The following SP140L variants were observed in gnomAD, a reference collection of about 807,000 sequenced individuals.
SP140L encodes SP140 like nuclear body protein, also known as nuclear body protein SP140-like protein.
SP140L carries 64 observed loss-of-function variants against 84.3 expected under a neutral mutation model. The ratio of observed to expected loss-of-function variants is 0.76; its 90% confidence interval spans 0.62 to 0.94. SP140L has a LOEUF of 0.94. Ranked by LOEUF, SP140L falls within the 40% of genes least tolerant of loss-of-function variation. SP140L has a pLI of 0.00. For synonymous variants in SP140L, 242 were observed against 236.9 expected (o/e 1.02, Z -0.20); for missense variants, 628 against 692.5 (o/e 0.91, Z 1.05).
At position 230,403,124 on chromosome 2, in the gene SP140L, G is replaced by A; in HGVS notation, c.*228G>A. On this transcript the variant is annotated 3_prime_UTR_variant, in exon 19 of 19. Coordinates refer to ENST00000415673, the MANE Select transcript of SP140L (RefSeq NM_138402.6). The stretch of plus-strand genomic sequence containing the variant: ...TGAGATCACAGGGAAGGAGATTGGA[G>A]GTGATACCAGCACAGACAGACTCTC... 3 of 480,698 alleles carry A rather than the reference G, an allele frequency of 6.2e-6. No homozygotes were observed. The South Asian group carries it at 8.0e-5, about 13-fold the overall frequency. 29.8% of individuals were successfully genotyped at this position (480,698 alleles called of 1,614,324 possible).
intron 9 of SP140L, among the ~76,000 whole-genome samples, chr2:230,387,633 T>C (rs904874695): frequency 1.3e-5 from 2 of 152,198 alleles, no homozygotes; most frequent in Admixed American, 6.5e-5. Context: ...ATGGTGGTCA[T>C]TGGATGGTGG....
At chr2:230,353,552 G>T (rs2060430059) in intron 2 of SP140L, among the ~76,000 whole-genome samples, 1 of 151,866 alleles carries the variant, frequency 6.6e-6, no homozygotes, top group African/African-American at 2.4e-5. Flanking sequence ...GAAATGTTCT[G>T]CTTTTTGTTT....
At chr2:230,354,848 G>GGAAAGAGAAAGAAAGAAAGAAA (rs2060474101) in intron 2 of SP140L, among the ~76,000 whole-genome samples, 1 of 108,838 alleles carries the variant, frequency 9.2e-6, no homozygotes, top group African/African-American at 3.6e-5. Context: ...AAGAAAGAAA[G>GGAAAGAGAAAGAAAGAAAGAAA]GAAAGAAAGA....
intron 15 of SP140L, 111 bp downstream of exon 15, chr2:230,400,353 A>C: frequency 9.2e-7 from 1 of 1,091,812 alleles, no homozygotes; most frequent in Non-Finnish European, 1.3e-6. Context: ...GAGCAGGTTC[A>C]TCGGGTACTG....
intron 4 of SP140L, among the ~76,000 whole-genome samples, chr2:230,360,233 C>G (rs1320293080): frequency 6.6e-6 from 1 of 152,134 alleles, no homozygotes; most frequent in Non-Finnish European, 1.5e-5. Context: ...ACAGGACAAA[C>G]TGGATTTGGC....
chr2:230,385,670 C>T (rs928445178), intron 9 of SP140L, among the ~76,000 whole-genome samples: 2 of 152,180 alleles, frequency 1.3e-5, no homozygotes, highest in African/African-American at 4.8e-5. Flanking sequence ...ATTTCTTGTC[C>T]TGAGCAAGCC....
chr2:230,364,564 A>G (rs185733625), intron 5 of SP140L, among the ~76,000 whole-genome samples: 1 of 152,204 alleles, frequency 6.6e-6, no homozygotes, highest in Non-Finnish European at 1.5e-5. Flanking sequence ...TTTTCTCTAT[A>G]TAAGATCATG....
intron 1 of SP140L, 86 bp from the exon 2 acceptor site, chr2:230,328,671 G>T: frequency 2.0e-6 from 3 of 1,497,178 alleles, no homozygotes; most frequent in South Asian, 1.3e-5. Context: ...TATTTCTCTT[G>T]TGCCTAAACC....
At chr2:230,371,002 TCAGTGGGCCCCA>T in intron 6 of SP140L, 35 bp downstream of exon 6, 1 of 1,594,798 alleles carries the variant, frequency 6.3e-7, no homozygotes, top group South Asian at 1.1e-5. Context: ...ATGGGGTGGC[TCAGTGGGCCCCA>T]CAGACCCTGG....
intron 5 of SP140L, among the ~76,000 whole-genome samples, chr2:230,367,636 T>A (rs1322312815): frequency 6.6e-6 from 1 of 152,180 alleles, no homozygotes. Flanking sequence ...CTTTTTATAT[T>A]GTGTGTTCCT....
intron 2 of SP140L, among the ~76,000 whole-genome samples, chr2:230,334,273 G>C (rs1223316826): frequency 6.6e-6 from 1 of 152,148 alleles, no homozygotes; most frequent in African/African-American, 2.4e-5. Flanking sequence ...CAAGTAATCA[G>C]GTATTTTATT....
At chr2:230,401,937 T>C (rs2062360200) in intron 18 of SP140L, 130 bp downstream of exon 18, 1 of 852,388 alleles carries the variant, frequency 1.2e-6, no homozygotes, top group East Asian at 2.5e-5. Context: ...AGTGATTGAT[T>C]GGTTTCAGTT....
At chr2:230,388,683 C>T (rs1434994513) in intron 10 of SP140L, 50 bp downstream of exon 10, 2 of 1,465,436 alleles carry the variant, frequency 1.4e-6, no homozygotes, top group Non-Finnish European at 1.9e-6. Flanking sequence ...ATCTAATTTC[C>T]TGTGCTTTAT....
rs75162786 is a variant in SP140L at position 230,381,395 on chromosome 2, T to C, written c.638-2115T>C. On this transcript the variant is annotated intron_variant, in intron 7 of 18. Coordinates refer to ENST00000415673, the MANE Select transcript of SP140L (RefSeq NM_138402.6). ...TGCTATTCTGACATCCTTGAAGCAA[T>C]ACCCTGATACCGTGAGTACAGAAAT... 6.4e-3 allele frequency among the ~76,000 whole-genome samples: 969 copies of C among 152,236 alleles called. 12 individuals carry two copies. Among genetic ancestry groups the C allele is most frequent in the Non-Finnish European group, 7.1e-3 (485 of 68,018 alleles).
At chr2:230,399,063 T>C (rs1039498794) in intron 14 of SP140L, among the ~76,000 whole-genome samples, 7 of 152,242 alleles carry the variant, frequency 4.6e-5, no homozygotes, top group African/African-American at 1.7e-4. Flanking sequence ...GCACGTAATA[T>C]TGAACTCTAA....
intron 2 of SP140L, among the ~76,000 whole-genome samples, chr2:230,356,901 C>CT (rs34011028): frequency 0.99 from 150,283 of 151,996 alleles, 74,308 homozygotes; most frequent in Middle Eastern, 1. Context: ...TAACCAGAAA[C>CT]TTTTTTTTAC....
At chr2:230,329,638 CTT>C (rs2059672859) in intron 2 of SP140L, among the ~76,000 whole-genome samples, 1 of 152,214 alleles carries the variant, frequency 6.6e-6, no homozygotes, top group South Asian at 2.1e-4. Context: ...TGCTCTCTCT[CTT>C]GCCATCTTGT....
chr2:230,403,033 C>A lies in SP140L; in HGVS notation c.*137C>A. On this transcript the variant is annotated 3_prime_UTR_variant, in exon 19 of 19. Coordinates refer to ENST00000415673, the MANE Select transcript of SP140L (RefSeq NM_138402.6). ...CTCCCTCATCTGCCCAAAAACAAAT[C>A]CTCAAAAGAAATTTGATCATCATGA... 1 of 641,854 alleles carries A rather than the reference C, an allele frequency of 1.6e-6. No individual in the cohort carries two copies. The highest frequency in any genetic ancestry group is 2.7e-6 in the Non-Finnish European group (1 of 375,102). The allele number at this position is 641,854 out of a possible 1,614,324, so 39.8% of individuals were successfully genotyped here. A position where few individuals can be genotyped will look rare whatever the true frequency, so the allele number is the denominator to read the frequency against.
chr2:230,359,411 G>A (rs1244891276), intron 4 of SP140L, among the ~76,000 whole-genome samples: 1 of 152,180 alleles, frequency 6.6e-6, no homozygotes, highest in African/African-American at 2.4e-5. Context: ...GAACACCAAC[G>A]GGGCAGCATC....
Sources: gnomAD v4.1 joint callset for allele counts (sites outside exome capture counted in the v4.1 genomes callset) on GRCh38, gnomAD v4.1.1 for gene constraint, MANE v1.5 for transcripts, NCBI Gene and HGNC (gene_info 2026-07-23, HGNC 2026-07-21) for gene names.